The following C12orf42 variants were observed in gnomAD, a reference collection of about 807,000 sequenced individuals.
The protein encoded by C12orf42 is chromosome 12 open reading frame 42.
Under a neutral mutation model 21.6 loss-of-function variants are expected in C12orf42, and 25 were observed. The ratio of observed to expected loss-of-function variants is 1.16; its 90% confidence interval spans 0.84 to 1.62. The LOEUF is 1.62. Ranked by LOEUF, C12orf42 falls within the 40% of genes most tolerant of loss-of-function variation. The pLI, the probability that C12orf42 is intolerant of heterozygous loss-of-function variation, is 0.00. For missense variants in C12orf42, 483 were observed against 459.3 expected, an observed-to-expected ratio of 1.05 and a Z score of -0.47; for synonymous variants, 174 against 175.0, an observed-to-expected ratio of 0.99 and a Z score of 0.05.
intron 1 of C12orf42, among the ~76,000 whole-genome samples, chr12:103,489,779 G>C (rs1955072081): frequency 6.6e-6 from 1 of 152,228 alleles, no homozygotes; most frequent in Non-Finnish European, 1.5e-5. Flanking sequence ...AAATCTCCTG[G>C]TCTGCCGGTT....
the C12orf42 span, among the ~76,000 whole-genome samples, chr12:103,132,772 A>G: frequency 6.9e-6 from 1 of 145,474 alleles, no homozygotes; most frequent in African/African-American, 2.6e-5. Flanking sequence ...ACCAAGGACA[A>G]ACTCACCCAC....
chr12:103,463,223 A>G (rs1952861723), intron 2 of C12orf42, among the ~76,000 whole-genome samples: 1 of 152,224 alleles, frequency 6.6e-6, no homozygotes, highest in African/African-American at 2.4e-5. Flanking sequence ...AAGGTTTTCT[A>G]TCTCACAATC....
intron 2 of C12orf42, among the ~76,000 whole-genome samples, chr12:103,430,303 G>T (rs1445644330): frequency 6.6e-6 from 1 of 152,106 alleles, no homozygotes; most frequent in African/African-American, 2.4e-5. Context: ...GTGGGCAAAG[G>T]ATATGAACAG....
the C12orf42 span, among the ~76,000 whole-genome samples, chr12:103,075,757 T>G: frequency 6.6e-6 from 1 of 152,198 alleles, no homozygotes; most frequent in Non-Finnish European, 1.5e-5. Context: ...TTCTCATTTA[T>G]GAACAATGGA....
At chr12:103,346,686 A>G (rs12309358) in intron 4 of C12orf42, among the ~76,000 whole-genome samples, 1 of 152,096 alleles carries the variant, frequency 6.6e-6, no homozygotes, top group Non-Finnish European at 1.5e-5. Context: ...TAGTTTGCCC[A>G]TCCTAAGCAG....
In C12orf42 at chr12:103,372,033, G is replaced by A. The variant is rs138670756; in HGVS notation, c.148-3035C>T. ...CCACATTTTAGAGTAAGCACAGCCA[G>A]CAATATAAGTGTCCAAAAGAGAAAC... On this transcript the variant is annotated intron_variant, in intron 3 of 5. Transcript: ENST00000548883. Among the ~76,000 whole-genome samples, 221 of 152,198 alleles carry A rather than the reference G, an allele frequency of 1.5e-3. 2 individuals carry two copies. The highest frequency in any genetic ancestry group is 5.0e-3 in the African/African-American group (209 of 41,526).
chr12:103,430,534 C>A (rs1463297311), intron 2 of C12orf42, among the ~76,000 whole-genome samples: 1 of 152,152 alleles, frequency 6.6e-6, no homozygotes, highest in Non-Finnish European at 1.5e-5. Flanking sequence ...ATTAGTTCAA[C>A]CATTGTGGAA....
At chr12:103,066,508 G>T in the C12orf42 span, among the ~76,000 whole-genome samples, 13 of 152,330 alleles carry the variant, frequency 8.5e-5, no homozygotes, top group East Asian at 2.5e-3. Flanking sequence ...CGATATGCAG[G>T]CACCATTCAA....
the C12orf42 span, among the ~76,000 whole-genome samples, chr12:103,075,571 TA>T: frequency 6.6e-6 from 1 of 152,240 alleles, no homozygotes; most frequent in East Asian, 1.9e-4. Context: ...AAATCTGTCT[TA>T]TTTCATGGCC....
In C12orf42 at chr12:103,489,989, AG is replaced by A. The variant is rs1955089423; in HGVS notation, c.-22+5912del. 2.0e-5 allele frequency among the ~76,000 whole-genome samples: 3 copies of A among 152,284 alleles called. No individual in the cohort carries two copies. In the South Asian group the frequency reaches 6.2e-4, roughly 32 times the overall value. On this transcript the variant is annotated intron_variant, in intron 1 of 5. Transcript: ENST00000548883. ...CCAACCAGTCCCAGTGAGATGACCC[AG>A]GTACCTCAGTTGGAAATGCAGAAAT... is the stretch of plus-strand genomic sequence containing the variant.
the C12orf42 span, among the ~76,000 whole-genome samples, chr12:103,123,508 A>G: frequency 6.6e-6 from 1 of 152,318 alleles, no homozygotes; most frequent in South Asian, 2.1e-4. Context: ...CCTAATCAAA[A>G]TGACTATTTG....
At chr12:103,348,523 T>C (rs975294914) in intron 4 of C12orf42, among the ~76,000 whole-genome samples, 11 of 152,202 alleles carry the variant, frequency 7.2e-5, no homozygotes, top group African/African-American at 2.7e-4. Context: ...CCTGAGATAC[T>C]GCTGTTCAAA....
chr12:103,477,897 G>A (rs1954178516), intron 2 of C12orf42: 1 of 173,462 alleles, frequency 5.8e-6, no homozygotes, highest in Non-Finnish European at 1.2e-5. Flanking sequence ...CAGCAACAGA[G>A]AACTAATACA....
the C12orf42 span, among the ~76,000 whole-genome samples, chr12:103,109,952 A>G: frequency 6.6e-6 from 1 of 152,186 alleles, no homozygotes; most frequent in Non-Finnish European, 1.5e-5. Flanking sequence ...GTAACCAGGA[A>G]AATTTCAGTA....
At chr12:103,215,789 C>G in the C12orf42 span, among the ~76,000 whole-genome samples, 1 of 152,186 alleles carries the variant, frequency 6.6e-6, no homozygotes, top group Non-Finnish European at 1.5e-5. Flanking sequence ...AATGCCTGAG[C>G]CTTGGAACAC....
the C12orf42 span, chr12:103,161,586 A>T: frequency 3.3e-5 from 5 of 152,058 alleles, no homozygotes; most frequent in Non-Finnish European, 2.9e-5. Flanking sequence ...TTTAGAAAAA[A>T]GCATTGGAAA....
At chr12:103,166,499 T>C in the C12orf42 span, among the ~76,000 whole-genome samples, 2 of 152,168 alleles carry the variant, frequency 1.3e-5, no homozygotes, top group South Asian at 4.1e-4. Flanking sequence ...TGGGCAAGAA[T>C]ACAAAGATTT....
the C12orf42 span, among the ~76,000 whole-genome samples, chr12:103,167,807 C>A: frequency 3.3e-5 from 5 of 151,380 alleles, no homozygotes; most frequent in East Asian, 9.7e-4. Flanking sequence ...AAAAAAAATG[C>A]GCTTTAAATG....
intron 10 of C12orf42, among the ~76,000 whole-genome samples, chr12:103,262,746 G>A (rs929120606): frequency 1.3e-5 from 2 of 152,062 alleles, no homozygotes; most frequent in Admixed American, 6.6e-5. Context: ...ACAGTGTGGC[G>A]ATTCATCAAG....
Sources: allele counts gnomAD v4.1 joint callset (sites outside exome capture counted in the v4.1 genomes callset), GRCh38; gene constraint gnomAD v4.1.1; transcripts MANE v1.5; gene names NCBI Gene and HGNC (gene_info 2026-07-23, HGNC 2026-07-21).